ADAM22: variants seen among roughly 807,000 people sequenced by gnomAD.
ADAM22 encodes the protein ADAM metallopeptidase domain 22, also known as disintegrin and metalloproteinase domain-containing protein 22.
A neutral mutation model predicts 144.6 loss-of-function variants in ADAM22; 65 were observed. The ratio of observed to expected loss-of-function variants is 0.45; its 90% CI spans 0.37 to 0.55. The LOEUF is 0.55. ADAM22 is among the 20% of genes least tolerant of loss of function. The pLI is 0.00. For synonymous variants in ADAM22, 391 were observed against 412.6 expected, an observed-to-expected ratio of 0.95 and a Z score of 0.63; for missense variants, 974 against 1,184.9, an observed-to-expected ratio of 0.82 and a Z score of 2.61.
At chr7:88,006,098 A>G (rs1484524226) in intron 3 of ADAM22, among the ~76,000 whole-genome samples, 2 of 152,016 alleles carry the variant, frequency 1.3e-5, no homozygotes, top group Admixed American at 6.6e-5. Context: ...AGTTCTTTTA[A>G]TCACTTCTTT....
chr7:88,113,603 C>T (rs1244325304), intron 5 of ADAM22, among the ~76,000 whole-genome samples: 1 of 144,900 alleles, frequency 6.9e-6, no homozygotes, highest in Non-Finnish European at 1.5e-5. Context: ...TATTGCCCTT[C>T]ACCTGATTAT....
intron 10 of ADAM22, among the ~76,000 whole-genome samples, chr7:88,130,724 CT>C (rs1554490235): frequency 6.6e-6 from 1 of 152,126 alleles, no homozygotes; most frequent in Non-Finnish European, 1.5e-5. Flanking sequence ...TGTCATACCC[CT>C]AACAAAGGTA....
intron 21 of ADAM22, among the ~76,000 whole-genome samples, chr7:88,154,723 A>G (rs919356373): frequency 1.3e-5 from 2 of 152,180 alleles, no homozygotes; most frequent in African/African-American, 4.8e-5. Context: ...TTTTGAATGA[A>G]TATCTCTTCT....
chr7:88,035,549 G>A (rs886102318), intron 3 of ADAM22, among the ~76,000 whole-genome samples: 2 of 152,212 alleles, frequency 1.3e-5, no homozygotes, highest in Non-Finnish European at 2.9e-5. Context: ...TCAACCAACC[G>A]TGGATCAAAA....
At chr7:88,082,686 C>T (rs1392024356) in intron 4 of ADAM22, among the ~76,000 whole-genome samples, 24 of 152,144 alleles carry the variant, frequency 1.6e-4, no homozygotes, top group Non-Finnish European at 2.6e-4. Flanking sequence ...AGGATATGAA[C>T]AGACACTTCT....
In ADAM22 at chr7:87,981,486, A is replaced by C. The variant is rs997782171; in HGVS notation, c.323+3074A>C. Among the ~76,000 whole-genome samples the C allele has an allele frequency of 3.9e-5, 6 of 152,148 alleles. No individual in the cohort carries two copies. The South Asian group carries it at 1.2e-3, about 32-fold the overall frequency. On this transcript the variant is annotated intron_variant, in intron 3 of 31. Coordinates refer to ENST00000413139, the MANE Select transcript of ADAM22 (RefSeq NM_001324418.2). ...TGGTGGGAGGACAACTAGGAACTGA[A>C]GCATGACAGATGTCAGCAGATGGGG... is the stretch of plus-strand genomic sequence containing the variant.
chr7:88,059,390 G>T (rs1253650716), intron 3 of ADAM22, among the ~76,000 whole-genome samples: 1 of 152,158 alleles, frequency 6.6e-6, no homozygotes, highest in Non-Finnish European at 1.5e-5. Flanking sequence ...TGAAAAATTT[G>T]GGAACAGAAG....
At chr7:88,193,726 A>G (rs1480263885) in intron 31 of ADAM22, among the ~76,000 whole-genome samples, 1 of 152,198 alleles carries the variant, frequency 6.6e-6, no homozygotes, top group Non-Finnish European at 1.5e-5. Context: ...TGTAATGTTC[A>G]TCTTCTTAGA....
rs775380337 is a variant in ADAM22 at position 88,143,053 on chromosome 7, G to A, written c.1248G>A (p.Gln416=). 51 of 1,612,022 alleles carry A rather than the reference G, an allele frequency of 3.2e-5. No homozygotes were observed. The highest frequency in any genetic ancestry group is 6.8e-6 in the Non-Finnish European group (8 of 1,178,776). ...TGYYLPKKFT[Q]CNIEEYHDFL... ...ATTATCTTCCTAAAAAGTTCACCCAGTGTAATATTGAAGAGTATCATGACT... is the reference window on the plus strand; with the variant it reads ...ATTATCTTCCTAAAAAGTTCACCCAATGTAATATTGAAGAGTATCATGACT... The change falls in exon 15 of 32, where the codon CAG becomes CAA. Residue 416 remains glutamine (Q), a synonymous_variant. Transcript: ENST00000413139.
At position 88,201,250 on chromosome 7, in the gene ADAM22, C is replaced by T. The variant is rs1403043914; in HGVS notation, c.*4759C>T. On this transcript the variant is annotated 3_prime_UTR_variant, in exon 32 of 32. Transcript: ENST00000413139. ...TTTTGTCCTTTATATCCCTAGGATG[C>T]TCTAGGGAGTAGAGGTGGCAGGCAT... The T allele has an allele frequency of 6.6e-6, 1 of 152,170 alleles. No individual in the cohort carries two copies. The highest frequency in any genetic ancestry group is 1.9e-4 in the East Asian group (1 of 5,204). The allele number at this position is 152,170 out of a possible 1,614,324, so 9.4% of individuals were successfully genotyped here.
intron 3 of ADAM22, among the ~76,000 whole-genome samples, chr7:88,036,819 G>A (rs1801622521): frequency 1.3e-5 from 2 of 149,530 alleles, no homozygotes; most frequent in African/African-American, 5.1e-5. Context: ...AAGAAAAAGA[G>A]AGCCTCCTCC....
intron 2 of ADAM22, among the ~76,000 whole-genome samples, chr7:87,974,839 C>T (rs748013271): frequency 6.6e-6 from 1 of 152,168 alleles, no homozygotes; most frequent in East Asian, 1.9e-4. Context: ...CTTGCCTTTT[C>T]TAGTTTCTAG....
At chr7:88,031,348 A>G (rs1199686780) in intron 3 of ADAM22, among the ~76,000 whole-genome samples, 1 of 152,206 alleles carries the variant, frequency 6.6e-6, no homozygotes, top group Non-Finnish European at 1.5e-5. Context: ...GAAAGTTTGG[A>G]AATTCCTAGA....
chr7:88,075,674 C>A lies in ADAM22; in HGVS notation c.372C>A (p.Gly124=). Residue 124 remains glycine (G), a synonymous_variant, in exon 4 of 32, where the codon GGC becomes GGA. Transcript: ENST00000413139. ...EYIERHIEHG[G]KTVEVKGGEH... is the part of the protein sequence containing the mutation. Reference sequence around the variant, plus strand: ...TAGAGAGACACATTGAACATGGAGGCAAGACTGTGGAAGTTAAAGTAAGTG... The same window carrying A: ...TAGAGAGACACATTGAACATGGAGGAAAGACTGTGGAAGTTAAAGTAAGTG... 6.2e-7 allele frequency: 1 copy of A among 1,613,582 alleles called. No individual in the cohort carries two copies. The highest frequency in any genetic ancestry group is 8.5e-7 in the Non-Finnish European group (1 of 1,179,862).
chr7:88,038,256 G>A (rs549834667), intron 3 of ADAM22, among the ~76,000 whole-genome samples: 1 of 152,172 alleles, frequency 6.6e-6, no homozygotes, highest in East Asian at 1.9e-4. Flanking sequence ...GGATAGAAAG[G>A]TATTAAAAAT....
chr7:88,114,752 G>T (rs1827333888), intron 6 of ADAM22, 105 bp downstream of exon 6: 2 of 1,090,316 alleles, frequency 1.8e-6, no homozygotes, highest in Non-Finnish European at 1.3e-6. Flanking sequence ...ATATTTTTTA[G>T]GGTTAAGATA....
At chr7:88,168,831 G>C (rs531438548) in intron 25 of ADAM22, among the ~76,000 whole-genome samples, 1 of 151,900 alleles carries the variant, frequency 6.6e-6, no homozygotes, top group Non-Finnish European at 1.5e-5. Context: ...ACAGGCCTGG[G>C]GTTTTTCTCC....
intron 3 of ADAM22, among the ~76,000 whole-genome samples, chr7:88,022,489 A>G (rs1310700189): frequency 1.3e-5 from 2 of 152,226 alleles, no homozygotes; most frequent in African/African-American, 4.8e-5. Context: ...GATTGTTTCA[A>G]TTGGATTTTA....
chr7:88,142,853 AAAT>A (rs1384835552), intron 14 of ADAM22, among the ~76,000 whole-genome samples, 170 bp from the exon 15 acceptor site: 1 of 151,776 alleles, frequency 6.6e-6, no homozygotes, highest in Non-Finnish European at 1.5e-5. Context: ...AAAAAAAAAG[AAAT>A]AATATTGACT....
Sources: gnomAD v4.1 joint callset for allele counts (sites outside exome capture counted in the v4.1 genomes callset) on GRCh38, gnomAD v4.1.1 for gene constraint, MANE v1.5 for transcripts, NCBI Gene and HGNC (gene_info 2026-07-23, HGNC 2026-07-21) for gene names.